The following PPP4R2 variants were observed in gnomAD, a reference collection of about 807,000 sequenced individuals.
PPP4R2 encodes serine/threonine-protein phosphatase 4 regulatory subunit 2.
Under a neutral mutation model 47.2 loss-of-function variants are expected in PPP4R2, and 13 were observed. The observed-to-expected ratio is 0.28, with a 90% confidence interval of 0.18 to 0.44. The LOEUF is 0.44. Among genes scored for constraint, PPP4R2 ranks in the 20% least tolerant of loss-of-function variants. PPP4R2 has a pLI of 1.00. For synonymous variants in PPP4R2, 151 were observed against 163.3 expected (o/e 0.92, Z 0.57); for missense variants, 421 against 491.2 (o/e 0.86, Z 1.35).
intron 2 of PPP4R2, among the ~76,000 whole-genome samples, chr3:73,021,737 A>G (rs1042205896): frequency 1.8e-4 from 27 of 152,018 alleles, no homozygotes; most frequent in African/African-American, 5.8e-4. Flanking sequence ...TATTGAGTAT[A>G]TATTCTGTTC....
At chr3:73,044,188 G>A (rs1342025274) in intron 2 of PPP4R2, among the ~76,000 whole-genome samples, 1 of 151,714 alleles carries the variant, frequency 6.6e-6, no homozygotes, top group African/African-American at 2.4e-5. Flanking sequence ...TGGAGAAATG[G>A]GATTCCTGAA....
intron 2 of PPP4R2, among the ~76,000 whole-genome samples, chr3:73,043,815 A>G (rs531769020): frequency 2.6e-5 from 4 of 152,352 alleles, no homozygotes; most frequent in Admixed American, 6.5e-5. Context: ...ATTGCCAGTA[A>G]GTACACTCAC....
At chr3:73,039,732 G>A (rs1294628066) in intron 2 of PPP4R2, among the ~76,000 whole-genome samples, 1 of 152,124 alleles carries the variant, frequency 6.6e-6, no homozygotes, top group Non-Finnish European at 1.5e-5. Context: ...ACATCCTCCT[G>A]TGACAAAGAA....
intron 3 of PPP4R2, among the ~76,000 whole-genome samples, chr3:73,052,243 T>TC (rs1553650405): frequency 5.3e-5 from 8 of 150,242 alleles, no homozygotes; most frequent in African/African-American, 2.0e-4. Context: ...ATTTCTTTCT[T>TC]TTCTTTTTTT....
At chr3:73,002,003 C>G (rs962733906) in intron 2 of PPP4R2, among the ~76,000 whole-genome samples, 1 of 146,096 alleles carries the variant, frequency 6.8e-6, no homozygotes, top group African/African-American at 2.5e-5. Context: ...TTTTATCTCT[C>G]CTGTTCCTTG....
At chr3:73,011,683 T>C (rs185522864) in intron 2 of PPP4R2, among the ~76,000 whole-genome samples, 4 of 152,276 alleles carry the variant, frequency 2.6e-5, no homozygotes, top group East Asian at 3.9e-4. Context: ...TTTGACTATT[T>C]TCCAGTCACC....
Position 73,010,851 on chromosome 3 carries a change from C to T in PPP4R2, c.116+12693C>T, listed in dbSNP as rs371584335. Among the ~76,000 whole-genome samples the T allele has an allele frequency of 2.7e-4, 41 of 152,262 alleles. No homozygotes were observed. In the East Asian group the frequency reaches 3.5e-3, roughly 13 times the overall value. The stretch of plus-strand genomic sequence containing the variant: ...CACTGGGCTCAGCCTTTCTTTTATT[C>T]CTAAATGGCAAATATTTAATGAACA... On this transcript the variant is annotated intron_variant, in intron 2 of 8. Coordinates refer to ENST00000356692, the MANE Select transcript of PPP4R2 (RefSeq NM_174907.4).
At chr3:73,035,042 A>T (rs1702237416) in intron 2 of PPP4R2, among the ~76,000 whole-genome samples, 1 of 152,212 alleles carries the variant, frequency 6.6e-6, no homozygotes, top group Non-Finnish European at 1.5e-5. Context: ...TCTTTCTGAC[A>T]AGGGATTAAT....
intron 3 of PPP4R2, among the ~76,000 whole-genome samples, chr3:73,055,505 G>A (rs2107326542): frequency 6.6e-6 from 1 of 150,908 alleles, no homozygotes; most frequent in East Asian, 1.9e-4. Flanking sequence ...AATGTGTGGG[G>A]CGGGGGGTTT....
chr3:73,044,308 T>C (rs1404167531), intron 2 of PPP4R2, among the ~76,000 whole-genome samples: 1 of 152,092 alleles, frequency 6.6e-6, no homozygotes, highest in African/African-American at 2.4e-5. Context: ...CACAAGAGTT[T>C]TGGTTTCTTG....
rs997537334 is a variant in PPP4R2, at chr3:73,014,651, A to G, written c.116+16493A>G. 2.6e-5 allele frequency among the ~76,000 whole-genome samples: 4 copies of G among 151,962 alleles called. 1 individual carries two copies. Among genetic ancestry groups the G allele is most frequent in the Non-Finnish European group, 5.9e-5 (4 of 67,974 alleles). Reference sequence around the variant, plus strand: ...TGGTAGGTGAAAAATGCTTTATTTAATTTGCATTGTTTTATTTTGTGCTAA... The same window carrying G: ...TGGTAGGTGAAAAATGCTTTATTTAGTTTGCATTGTTTTATTTTGTGCTAA... On this transcript the variant is annotated intron_variant, in intron 2 of 8. Transcript: ENST00000356692.
At chr3:72,999,490 T>A (rs1163958866) in intron 2 of PPP4R2, among the ~76,000 whole-genome samples, 3 of 152,206 alleles carry the variant, frequency 2.0e-5, no homozygotes, top group Non-Finnish European at 2.9e-5. Flanking sequence ...GCATTTTACT[T>A]TTGGCTGTTT....
chr3:72,999,799 T>G (rs576603425), intron 2 of PPP4R2, among the ~76,000 whole-genome samples: 72 of 152,344 alleles, frequency 4.7e-4, no homozygotes, highest in Non-Finnish European at 1.0e-4. Flanking sequence ...AAGCATGTTT[T>G]GTACTGAAAT....
At position 73,068,396 on chromosome 3, in the gene PPP4R2, T is replaced by G. The variant is rs570172044; in HGVS notation, c.*2674T>G. 6 of 152,320 alleles carry G rather than the reference T, an allele frequency of 3.9e-5. No homozygotes were observed. The South Asian group carries it at 1.2e-3, about 32-fold the overall frequency. 9.4% of individuals were successfully genotyped at this position (152,320 alleles called of 1,614,324 possible). A position where few individuals can be genotyped will look rare whatever the true frequency, so the allele number is the denominator to read the frequency against. Reference sequence around the variant, plus strand: ...TATATATATATATATGTATTATGTTTCTAGCACTTTTCCCTTTTAAAAAGT... The same window carrying G: ...TATATATATATATATGTATTATGTTGCTAGCACTTTTCCCTTTTAAAAAGT... On this transcript the variant is annotated 3_prime_UTR_variant, in exon 9 of 9. Coordinates refer to ENST00000356692, the MANE Select transcript of PPP4R2 (RefSeq NM_174907.4).
At chr3:73,062,073 C>CG in intron 5 of PPP4R2, 1 of 1,519,520 alleles carries the variant, frequency 6.6e-7, no homozygotes, top group Non-Finnish European at 8.8e-7. Context: ...CAAGTCATAG[C>CG]GACTAATAAT....
In PPP4R2 at chr3:72,996,892, G is replaced by A. The variant is rs911176242; in HGVS notation, c.-146G>A. ...TCTTGCTCTCTCGCACGCTTCCCCC[G>A]GCTCCCTTCGTTTCCCCCCCCCGGT... On this transcript the variant is annotated 5_prime_UTR_variant, in exon 1 of 9. Coordinates refer to ENST00000356692, the MANE Select transcript of PPP4R2 (RefSeq NM_174907.4). 13 of 467,774 alleles carry A rather than the reference G, an allele frequency of 2.8e-5. No individual in the cohort carries two copies. Among genetic ancestry groups the A allele is most frequent in the Non-Finnish European group, 3.6e-5 (10 of 274,400 alleles). The allele number at this position is 467,774 out of a possible 1,614,324, so 29.0% of individuals were successfully genotyped here.
At chr3:73,059,237 T>C in intron 4 of PPP4R2, 107 bp downstream of exon 4, 1 of 569,938 alleles carries the variant, frequency 1.8e-6, no homozygotes, top group Non-Finnish European at 3.0e-6. Flanking sequence ...TTGAAATATG[T>C]TTTTCAGCCT....
chr3:73,030,679 T>G (rs1702150413), intron 2 of PPP4R2, among the ~76,000 whole-genome samples: 1 of 148,048 alleles, frequency 6.8e-6, no homozygotes. Flanking sequence ...TCTGAGGGAG[T>G]GATTATATTT....
chr3:73,014,295 T>G (rs1701781677), intron 2 of PPP4R2, among the ~76,000 whole-genome samples: 1 of 129,322 alleles, frequency 7.7e-6, no homozygotes, highest in Admixed American at 7.6e-5. Context: ...TTTATTTTTA[T>G]ATTTATTTTT....
Sources: gnomAD v4.1 joint callset for allele counts (sites outside exome capture counted in the v4.1 genomes callset) on GRCh38, gnomAD v4.1.1 for gene constraint, MANE v1.5 for transcripts, NCBI Gene and HGNC (gene_info 2026-07-23, HGNC 2026-07-21) for gene names.